MMD2: variants seen among roughly 807,000 people sequenced by gnomAD.
The protein encoded by MMD2 is monocyte to macrophage differentiation factor 2.
MMD2 carries 30 observed loss-of-function variants against 33.5 expected under a neutral mutation model. That is an observed-to-expected ratio of 0.90 (90% confidence interval 0.67 to 1.22). The LOEUF (loss-of-function observed/expected upper bound fraction) is 1.22. MMD2 is among the 50% of genes most tolerant of loss of function. The pLI is 0.00. For synonymous variants in MMD2, 129 were observed against 123.0 expected, an observed-to-expected ratio of 1.05 and a Z score of -0.32; for missense variants, 364 against 325.4, an observed-to-expected ratio of 1.12 and a Z score of -0.91.
Position 4,958,849 on chromosome 7 carries a change from G to C in MMD2, c.47+122C>G, listed in dbSNP as rs568262335. Reference sequence around the variant, plus strand: ...CCTGGTTTTCTCGGGCGGGGGTCAGGGGTCCGCCGATCCCCTCTAGCGCTC... The same window carrying C: ...CCTGGTTTTCTCGGGCGGGGGTCAGCGGTCCGCCGATCCCCTCTAGCGCTC... On this transcript the variant is annotated intron_variant, in intron 1 of 6. Coordinates refer to ENST00000401401, the MANE Select transcript of MMD2 (RefSeq NM_198403.4). 4.7e-6 allele frequency: 4 copies of C among 850,134 alleles called. No individual in the cohort carries two copies. In the South Asian group the frequency reaches 2.2e-4, roughly 46 times the overall value. 52.7% of individuals were successfully genotyped at this position (850,134 alleles called of 1,614,324 possible). A position where few individuals can be genotyped will look rare whatever the true frequency, so the allele number is the denominator to read the frequency against.
chr7:4,903,503 T>A (rs1784821762), downstream of MMD2, among the ~76,000 whole-genome samples: 1 of 152,066 alleles, frequency 6.6e-6, no homozygotes, highest in African/African-American at 2.4e-5. Context: ...TCCAATCCAG[T>A]GGGAAAGGCA....
At chr7:4,925,760 G>C (rs1282385683) in intron 1 of MMD2, among the ~76,000 whole-genome samples, 1 of 152,094 alleles carries the variant, frequency 6.6e-6, no homozygotes, top group East Asian at 1.9e-4. Context: ...CCCCAATGCA[G>C]TATTTGTTAC....
chr7:4,901,812 T>C (rs1281306866), downstream of MMD2, among the ~76,000 whole-genome samples: 2 of 152,240 alleles, frequency 1.3e-5, no homozygotes, highest in African/African-American at 2.4e-5. Flanking sequence ...ACCTGGCTTG[T>C]AGCATTTGCG....
chr7:4,937,998 CTTTCT>C (rs1785792242), intron 1 of MMD2, among the ~76,000 whole-genome samples: 1 of 62,730 alleles, frequency 1.6e-5, no homozygotes. Context: ...TTTTTTCTTT[CTTTCT>C]TTTTTTTTTT....
chr7:4,914,563 A>G (rs1298001389), intron 4 of MMD2, among the ~76,000 whole-genome samples: 2 of 152,140 alleles, frequency 1.3e-5, no homozygotes, highest in Non-Finnish European at 2.9e-5. Context: ...GTTTGTGACA[A>G]TACCCTCAGA....
chr7:4,893,232 C>T, the MMD2 span, among the ~76,000 whole-genome samples: 1 of 151,720 alleles, frequency 6.6e-6, no homozygotes, highest in South Asian at 2.1e-4. Context: ...TGGACCCCGT[C>T]CAAGAAAGAA....
chr7:4,936,873 G>A (rs989095894), intron 1 of MMD2, among the ~76,000 whole-genome samples: 2 of 151,810 alleles, frequency 1.3e-5, no homozygotes, highest in Admixed American at 1.3e-4. Context: ...TAGCTGGGAT[G>A]ACAGGTGTTT....
chr7:4,914,765 T>G (rs1785099245), intron 4 of MMD2, among the ~76,000 whole-genome samples: 1 of 152,094 alleles, frequency 6.6e-6, no homozygotes, highest in Non-Finnish European at 1.5e-5. Context: ...ACCCCATCTC[T>G]ACTAAAAATA....
intron 2 of MMD2, among the ~76,000 whole-genome samples, chr7:4,924,140 C>T (rs1015117060): frequency 1.7e-4 from 26 of 152,090 alleles, no homozygotes; most frequent in African/African-American, 4.8e-4. Context: ...TGCAGTGAGC[C>T]GAGATCGCAC....
intron 1 of MMD2, among the ~76,000 whole-genome samples, chr7:4,931,394 C>T (rs752469663): frequency 4.0e-5 from 6 of 151,850 alleles, no homozygotes; most frequent in Non-Finnish European, 7.4e-5. Flanking sequence ...CTCAGTTAAT[C>T]CTCCCACCTC....
At chr7:4,917,160 G>A (rs971839038) in intron 3 of MMD2, among the ~76,000 whole-genome samples, 1 of 152,110 alleles carries the variant, frequency 6.6e-6, no homozygotes, top group Non-Finnish European at 1.5e-5. Context: ...TTAGTGGTTC[G>A]GATCCAAGCT....
At chr7:4,912,894 G>A (rs1785051769) in intron 4 of MMD2, among the ~76,000 whole-genome samples, 1 of 152,014 alleles carries the variant, frequency 6.6e-6, no homozygotes, top group Non-Finnish European at 1.5e-5. Context: ...AGTAGAGATG[G>A]GGTTTCACCA....
At chr7:4,932,644 AAGG>A (rs1358869912) in intron 1 of MMD2, among the ~76,000 whole-genome samples, 1 of 145,656 alleles carries the variant, frequency 6.9e-6, no homozygotes, top group African/African-American at 2.6e-5. Context: ...TTTTTTTGAG[AAGG>A]AGTTTTGCTC....
At chr7:4,937,229 T>G (rs1785766097) in intron 1 of MMD2, among the ~76,000 whole-genome samples, 1 of 151,214 alleles carries the variant, frequency 6.6e-6, no homozygotes, top group African/African-American at 2.4e-5. Flanking sequence ...AAACCCCATC[T>G]CTACTAAAAA....
Position 4,930,537 on chromosome 7 carries a change from G to A in MMD2, c.48-5005C>T, listed in dbSNP as rs568358991. ...TGGGCGACTGTAATCCCAGCTACTC[G>A]GGAGGCTGAGGCAGGAGAATCGCTT... On this transcript the variant is annotated intron_variant, in intron 1 of 6. Transcript: ENST00000401401. Among the ~76,000 whole-genome samples, 58 of 150,888 alleles carry A rather than the reference G, an allele frequency of 3.8e-4. No homozygotes were observed. In the East Asian group the frequency reaches 9.8e-3, roughly 26 times the overall value.
At chr7:4,926,129 A>C in intron 1 of MMD2, among the ~76,000 whole-genome samples, 3 of 145,168 alleles carry the variant, frequency 2.1e-5, no homozygotes, top group Non-Finnish European at 3.0e-5. Flanking sequence ...ACGGGGTCTC[A>C]CTCTGTCTCT....
chr7:4,899,719 G>A, the MMD2 span, among the ~76,000 whole-genome samples: 1 of 151,988 alleles, frequency 6.6e-6, no homozygotes, highest in Non-Finnish European at 1.5e-5. Flanking sequence ...TCTTAGTATG[G>A]GTCTTCAACA....
chr7:4,925,185 C>T (rs1426723851), intron 2 of MMD2, among the ~76,000 whole-genome samples: 1 of 152,150 alleles, frequency 6.6e-6, no homozygotes, highest in Admixed American at 6.6e-5. Context: ...CCCACCTCAG[C>T]CTTCCAAAGT....
intron 1 of MMD2, among the ~76,000 whole-genome samples, chr7:4,932,831 G>C (rs1785628143): frequency 6.6e-6 from 1 of 151,774 alleles, no homozygotes; most frequent in Non-Finnish European, 1.5e-5. Context: ...CATCATGTTG[G>C]CCAGGCTGGT....
Sources: allele counts gnomAD v4.1 joint callset (sites outside exome capture counted in the v4.1 genomes callset), GRCh38; gene constraint gnomAD v4.1.1; transcripts MANE v1.5; gene names NCBI Gene and HGNC (gene_info 2026-07-23, HGNC 2026-07-21).